Variants in ATRN observed in about 807,000 individuals in gnomAD.
ATRN encodes attractin-2.
ATRN carries 54 observed loss-of-function variants against 178.7 expected under a neutral mutation model. The ratio of observed to expected loss-of-function variants is 0.30; its 90% CI spans 0.24 to 0.38. The LOEUF (loss-of-function observed/expected upper bound fraction) is 0.38, where lower values mean the gene tolerates loss of function less well. Among genes scored for constraint, ATRN ranks in the 10% least tolerant of loss-of-function variants. The pLI is 1.00. For missense variants in ATRN, 1,443 were observed against 1,815.1 expected, an observed-to-expected ratio of 0.79 and a Z score of 3.73; for synonymous variants, 636 against 663.0, an observed-to-expected ratio of 0.96 and a Z score of 0.63.
Position 3,565,341 on chromosome 20 carries a change from C to CT in ATRN, c.1787-6dup. On this transcript the variant is annotated splice_polypyrimidine_tract_variant and splice_region_variant and intron_variant, in intron 10 of 28. Transcript: ENST00000262919. The stretch of plus-strand genomic sequence containing the variant: ...TCCGTTTAAAAATATATTTTTCTTT[C>CT]TCCTAGCCTGTGACCGCTGGTCAGT... The CT allele has an allele frequency of 6.2e-7, 1 of 1,611,538 alleles. No homozygotes were observed. Among genetic ancestry groups the CT allele is most frequent in the Non-Finnish European group, 8.5e-7 (1 of 1,178,368 alleles).
At chr20:3,542,847 C>T (rs903005228) in intron 3 of ATRN, among the ~76,000 whole-genome samples, 3 of 150,002 alleles carry the variant, frequency 2.0e-5, no homozygotes, top group Non-Finnish European at 4.4e-5. Context: ...CCATGTTGCC[C>T]GGGCTGGTCT....
intron 2 of ATRN, among the ~76,000 whole-genome samples, chr20:3,537,680 A>G (rs1600086577): frequency 6.8e-6 from 1 of 147,726 alleles, no homozygotes; most frequent in Admixed American, 6.7e-5. Flanking sequence ...CCCCACGACA[A>G]ACCCCGGTGT....
intron 1 of ATRN, chr20:3,490,954 G>T: frequency 6.5e-7 from 1 of 1,527,132 alleles, no homozygotes; most frequent in Non-Finnish European, 9.1e-7. Flanking sequence ...ACGTCCATGA[G>T]CCTTTCCTTC....
In ATRN at chr20:3,503,291, A is replaced by G. The variant is rs573141118; in HGVS notation, c.410+31774A>G. Among the ~76,000 whole-genome samples, 9 of 152,350 alleles carry G rather than the reference A, an allele frequency of 5.9e-5. No homozygotes were observed. The South Asian group carries it at 1.9e-3, about 32-fold the overall frequency. ...GAAGCCTATGTTAGAGACTTCTAAC[A>G]TAATAGACAAAATGTTCATGATATA... On this transcript the variant is annotated intron_variant, in intron 1 of 28. Coordinates refer to ENST00000262919, the MANE Select transcript of ATRN (RefSeq NM_139321.3).
intron 1 of ATRN, chr20:3,490,778 C>T (rs1272290465): frequency 1.3e-6 from 1 of 790,948 alleles, no homozygotes; most frequent in Non-Finnish European, 2.3e-6. Context: ...ATTCAGCAAA[C>T]TCACTGGGTC....
chr20:3,625,735 T>G (rs974325013), intron 25 of ATRN, among the ~76,000 whole-genome samples: 2 of 152,114 alleles, frequency 1.3e-5, no homozygotes, highest in Non-Finnish European at 2.9e-5. Flanking sequence ...TGAGGCCTGC[T>G]GCACAACTGT....
At chr20:3,529,222 G>A (rs1049150563) in intron 1 of ATRN, among the ~76,000 whole-genome samples, 1 of 151,982 alleles carries the variant, frequency 6.6e-6, no homozygotes, top group Non-Finnish European at 1.5e-5. Flanking sequence ...CCAAATGTGG[G>A]AACTGATGTG....
intron 2 of ATRN, among the ~76,000 whole-genome samples, chr20:3,539,270 A>G (rs2085585193): frequency 6.6e-6 from 1 of 152,174 alleles, no homozygotes; most frequent in Non-Finnish European, 1.5e-5. Flanking sequence ...GGTGAGTGAG[A>G]TAGAGTCACT....
chr20:3,489,553 A>G, intron 1 of ATRN: 2 of 1,479,146 alleles, frequency 1.4e-6, no homozygotes, highest in Non-Finnish European at 1.9e-6. Flanking sequence ...GTCTTTTCAG[A>G]TCCTCATATG....
At chr20:3,492,993 ATAAT>A (rs201488427) in intron 1 of ATRN, among the ~76,000 whole-genome samples, 2,470 of 146,920 alleles carry the variant, frequency 0.017, 66 homozygotes, top group African/African-American at 0.054. Flanking sequence ...ATAATTATCT[ATAAT>A]TATGTAAAAT....
In ATRN at chr20:3,510,431, G is replaced by T. The variant is rs1433572268; in HGVS notation, c.411-24822G>T. 2.6e-5 allele frequency among the ~76,000 whole-genome samples: 4 copies of T among 152,192 alleles called. No individual in the cohort carries two copies. In the South Asian group the frequency reaches 6.2e-4, roughly 24 times the overall value. On this transcript the variant is annotated intron_variant, in intron 1 of 28. Transcript: ENST00000262919. ...GCTGTGTTTCAGGAAAACTTTATCT[G>T]TATAAGCAGACAGCAGGCCTGATTT...
At chr20:3,633,134 C>CA (rs1465983942) in intron 25 of ATRN, among the ~76,000 whole-genome samples, 2 of 141,452 alleles carry the variant, frequency 1.4e-5, no homozygotes, top group Non-Finnish European at 1.5e-5. Context: ...GACTGTGTCT[C>CA]AAAAAAAAGA....
At chr20:3,504,870 A>G (rs2085019287) in intron 1 of ATRN, among the ~76,000 whole-genome samples, 1 of 152,186 alleles carries the variant, frequency 6.6e-6, no homozygotes, top group South Asian at 2.1e-4. Flanking sequence ...AGGTTTCCAC[A>G]CTTTGTTCAA....
At chr20:3,569,098 G>A (rs933322332) in intron 11 of ATRN, among the ~76,000 whole-genome samples, 5 of 152,148 alleles carry the variant, frequency 3.3e-5, no homozygotes, top group Non-Finnish European at 5.9e-5. Context: ...TGAAACTACT[G>A]CAAGTATTGA....
chr20:3,626,412 A>G (rs1450655992), intron 25 of ATRN, among the ~76,000 whole-genome samples: 1 of 152,184 alleles, frequency 6.6e-6, no homozygotes, highest in Non-Finnish European at 1.5e-5. Context: ...AGAAAAGTAT[A>G]TTTAAGTGTA....
At chr20:3,626,778 T>A (rs944813476) in intron 25 of ATRN, among the ~76,000 whole-genome samples, 60 of 106,750 alleles carry the variant, frequency 5.6e-4, no homozygotes, top group African/African-American at 7.8e-4. Flanking sequence ...ATATGAATTA[T>A]TTCTTTTTTT....
intron 1 of ATRN, among the ~76,000 whole-genome samples, chr20:3,528,864 G>A (rs1211700709): frequency 6.6e-6 from 1 of 152,080 alleles, no homozygotes; most frequent in Non-Finnish European, 1.5e-5. Context: ...CCAAGCTGCA[G>A]TACAGTGGCA....
chr20:3,514,766 C>T (rs931542317), intron 1 of ATRN, among the ~76,000 whole-genome samples: 3 of 151,858 alleles, frequency 2.0e-5, no homozygotes, highest in Non-Finnish European at 4.4e-5. Context: ...TTGAGACCAC[C>T]GTGGGCAACA....
In ATRN at chr20:3,538,552, T is replaced by A. The variant is rs1381554802; in HGVS notation, c.495-1670T>A. Reference sequence around the variant, plus strand: ...CCACCTGACACCCTCCTCCACTGTTTTTCTGAATGTGCTCTCAATGGTTGT... The same window carrying A: ...CCACCTGACACCCTCCTCCACTGTTATTCTGAATGTGCTCTCAATGGTTGT... On this transcript the variant is annotated intron_variant, in intron 2 of 28. Transcript: ENST00000262919. Among the ~76,000 whole-genome samples, 4 of 152,184 alleles carry A rather than the reference T, an allele frequency of 2.6e-5. No homozygotes were observed. The East Asian group carries it at 5.8e-4, about 22-fold the overall frequency.
Sources: allele counts gnomAD v4.1 joint callset (sites outside exome capture counted in the v4.1 genomes callset), GRCh38; gene constraint gnomAD v4.1.1; transcripts MANE v1.5; gene names NCBI Gene and HGNC (gene_info 2026-07-23, HGNC 2026-07-21).